RBMS1: variants seen among roughly 807,000 people sequenced by gnomAD.
The protein encoded by RBMS1 is RNA binding motif single stranded interacting protein 1.
A neutral mutation model predicts 62.3 loss-of-function variants in RBMS1; 17 were observed. That is an observed-to-expected ratio of 0.27 (90% CI 0.19 to 0.41). The LOEUF is 0.41. Ranked by LOEUF, RBMS1 falls within the 10% of genes least tolerant of loss-of-function variation. RBMS1 has a pLI of 1.00. For missense variants in RBMS1, 334 were observed against 504.5 expected (o/e 0.66, Z 3.24); for synonymous variants, 172 against 170.0 (o/e 1.01, Z -0.09).
chr2:160,400,886 C>T (rs1363555035), intron 1 of RBMS1, among the ~76,000 whole-genome samples: 1 of 152,072 alleles, frequency 6.6e-6, no homozygotes, highest in Non-Finnish European at 1.5e-5. Flanking sequence ...GCATTAGAAA[C>T]AAGCAGTACC....
intron 1 of RBMS1, among the ~76,000 whole-genome samples, chr2:160,461,691 C>T (rs762663104): frequency 1.8e-4 from 28 of 152,244 alleles, no homozygotes; most frequent in Non-Finnish European, 3.1e-4. Flanking sequence ...TTCCTCTTTG[C>T]GTTATAACCT....
intron 2 of RBMS1, among the ~76,000 whole-genome samples, chr2:160,336,742 G>A (rs369036475): frequency 1.3e-4 from 20 of 151,990 alleles, no homozygotes; most frequent in African/African-American, 4.4e-4. Flanking sequence ...TACTGCCAGC[G>A]TATCTCTATT....
intron 1 of RBMS1, among the ~76,000 whole-genome samples, chr2:160,414,700 G>T (rs62177350): frequency 6.6e-6 from 1 of 151,842 alleles, no homozygotes; most frequent in Non-Finnish European, 1.5e-5. Flanking sequence ...TTGGCATAAG[G>T]GTTATCTATA....
chr2:160,324,852 C>G (rs1573861628), intron 2 of RBMS1, among the ~76,000 whole-genome samples: 2 of 141,140 alleles, frequency 1.4e-5, no homozygotes, highest in East Asian at 4.1e-4. Flanking sequence ...ATGCCAGGCA[C>G]TATTCTAAGC....
intron 1 of RBMS1, among the ~76,000 whole-genome samples, chr2:160,369,935 A>C (rs1049904129): frequency 3.3e-5 from 5 of 152,222 alleles, no homozygotes; most frequent in African/African-American, 1.2e-4. Context: ...ATTTCTGGCC[A>C]AAATACAGCT....
intron 2 of RBMS1, among the ~76,000 whole-genome samples, chr2:160,362,976 A>C (rs1693211309): frequency 6.6e-6 from 1 of 152,210 alleles, no homozygotes; most frequent in African/African-American, 2.4e-5. Flanking sequence ...AATTCAATAT[A>C]AATTAAGCTT....
chr2:160,454,244 A>C (rs1330520314), intron 1 of RBMS1, among the ~76,000 whole-genome samples: 2 of 152,260 alleles, frequency 1.3e-5, no homozygotes, highest in Admixed American at 6.5e-5. Context: ...ATGCAAGGAC[A>C]ACACACCATT....
At chr2:160,489,612 T>C (rs1016022111) in intron 1 of RBMS1, among the ~76,000 whole-genome samples, 1 of 152,174 alleles carries the variant, frequency 6.6e-6, no homozygotes, top group Non-Finnish European at 1.5e-5. Flanking sequence ...AATTATATCA[T>C]TTATTATTTT....
chr2:160,491,338 T>C (rs1209414683), intron 1 of RBMS1, among the ~76,000 whole-genome samples: 1 of 152,232 alleles, frequency 6.6e-6, no homozygotes, highest in African/African-American at 2.4e-5. Flanking sequence ...GATTTAATTG[T>C]AGAATTAGCA....
chr2:160,336,790 C>T (rs563645307), intron 2 of RBMS1, among the ~76,000 whole-genome samples: 7 of 152,248 alleles, frequency 4.6e-5, no homozygotes, highest in South Asian at 2.1e-4. Flanking sequence ...TAGCCACATG[C>T]GGCTGGTGGC....
At chr2:160,373,160 G>A (rs897287834) in intron 1 of RBMS1, among the ~76,000 whole-genome samples, 1 of 152,084 alleles carries the variant, frequency 6.6e-6, no homozygotes, top group Non-Finnish European at 1.5e-5. Context: ...CCTGTCAAAG[G>A]AGAGGGGCCC....
At chr2:160,484,875 A>AAAG (rs71006612) in intron 1 of RBMS1, among the ~76,000 whole-genome samples, 34,602 of 151,614 alleles carry the variant, frequency 0.23, 4,675 homozygotes, top group Admixed American at 0.39. Context: ...CGTCTCAAAA[A>AAAG]AAAAAAAAAA....
intron 10 of RBMS1, 156 bp from the exon 11 acceptor site, chr2:160,278,814 T>C: frequency 1.8e-6 from 1 of 571,216 alleles, no homozygotes; most frequent in South Asian, 2.2e-5. Flanking sequence ...AACAGTTTCC[T>C]AAAAATCTTC....
At chr2:160,493,076 T>C (rs1054005810) in intron 1 of RBMS1, 30 of 529,574 alleles carry the variant, frequency 5.7e-5, no homozygotes, top group Non-Finnish European at 9.9e-5. Flanking sequence ...CCCGCGGCTT[T>C]CTGTAACCCG....
chr2:160,329,936 G>A (rs1457291313), intron 2 of RBMS1, among the ~76,000 whole-genome samples: 1 of 152,032 alleles, frequency 6.6e-6, no homozygotes, highest in South Asian at 2.1e-4. Context: ...TAAGACCAAT[G>A]TTGATCTGAG....
At chr2:160,339,539 G>A (rs1161092696) in intron 2 of RBMS1, among the ~76,000 whole-genome samples, 1 of 152,122 alleles carries the variant, frequency 6.6e-6, no homozygotes, top group Non-Finnish European at 1.5e-5. Flanking sequence ...TTTTTGCCAC[G>A]GTGCCAGGAA....
intron 2 of RBMS1, among the ~76,000 whole-genome samples, chr2:160,325,955 C>CGG (rs1690898335): frequency 6.6e-6 from 1 of 152,126 alleles, no homozygotes; most frequent in Admixed American, 6.5e-5. Flanking sequence ...GAAAGATATT[C>CGG]CCCATTTCAT....
rs138242137 is a variant in RBMS1 at position 160,344,770 on chromosome 2, T to TG, written c.251+22445dup. 3.3e-3 allele frequency among the ~76,000 whole-genome samples: 498 copies of TG among 152,160 alleles called. 18 individuals carry two copies. The East Asian group carries it at 0.085, about 26-fold the overall frequency. ...GATGGGTGTTAGGTACCATGAGCTATGGGGGGCTCTGCTGGTTGGGCTTCA... is the reference window on the plus strand; with the variant it reads ...GATGGGTGTTAGGTACCATGAGCTATGGGGGGGCTCTGCTGGTTGGGCTTCA... On this transcript the variant is annotated intron_variant, in intron 2 of 13. Transcript: ENST00000348849.
At position 160,388,477 on chromosome 2, in the gene RBMS1, T is replaced by C. The variant is rs578182334; in HGVS notation, c.76-21086A>G. ...TTGAAATTCAGAGACCCAGTGCCCC[T>C]GCTAAGCTGGAAGGGCTACTCCACG... On this transcript the variant is annotated intron_variant, in intron 1 of 13. Transcript: ENST00000348849. Among the ~76,000 whole-genome samples, 6 of 152,296 alleles carry C rather than the reference T, an allele frequency of 3.9e-5. No individual in the cohort carries two copies. In the South Asian group the frequency reaches 1.2e-3, roughly 32 times the overall value.
Sources: allele counts gnomAD v4.1 joint callset (sites outside exome capture counted in the v4.1 genomes callset), GRCh38; gene constraint gnomAD v4.1.1; transcripts MANE v1.5; gene names NCBI Gene and HGNC (gene_info 2026-07-23, HGNC 2026-07-21).